The following SLC25A48 variants were observed in gnomAD, a reference collection of about 807,000 sequenced individuals.
SLC25A48 encodes the protein CTC-321K16.1.
A neutral mutation model predicts 32.2 loss-of-function variants in SLC25A48; 29 were observed. The ratio of observed to expected loss-of-function variants is 0.90; its 90% CI spans 0.67 to 1.23. The LOEUF is 1.23. Among genes scored for constraint, SLC25A48 ranks in the 50% most tolerant of loss-of-function variants. The probability of loss-of-function intolerance (pLI) is 0.00; values close to 1 mark genes in which losing one functional copy is unlikely to be tolerated. For missense variants in SLC25A48, 399 were observed against 422.7 expected (o/e 0.94, Z 0.49); for synonymous variants, 164 against 172.3 (o/e 0.95, Z 0.38).
intron 1 of SLC25A48, among the ~76,000 whole-genome samples, chr5:135,589,645 C>A (rs1183668926): frequency 6.6e-6 from 1 of 151,826 alleles, no homozygotes; most frequent in East Asian, 1.9e-4. Flanking sequence ...TGTAGTATTG[C>A]AAAAAGGGAA....
chr5:135,581,405 A>G (rs1042485140), intron 1 of SLC25A48, among the ~76,000 whole-genome samples: 7 of 152,228 alleles, frequency 4.6e-5, no homozygotes, highest in Non-Finnish European at 8.8e-5. Flanking sequence ...GCACATGCCC[A>G]TTTTAAGACT....
chr5:135,704,865 C>T (rs893643651), intron 3 of SLC25A48, among the ~76,000 whole-genome samples: 1 of 152,130 alleles, frequency 6.6e-6, no homozygotes, highest in South Asian at 2.1e-4. Context: ...TAGGTAGCTT[C>T]CTGGCATTAG....
chr5:135,740,675 C>T (rs943346885), intron 3 of SLC25A48, among the ~76,000 whole-genome samples: 2 of 152,140 alleles, frequency 1.3e-5, no homozygotes, highest in South Asian at 2.1e-4. Flanking sequence ...TGTCTCACAA[C>T]CCAGCCTCAA....
rs755077813 is a variant in SLC25A48, at chr5:135,724,073, G to T, written c.-520-88450G>T. Among the ~76,000 whole-genome samples the T allele has an allele frequency of 2.6e-5, 4 of 152,152 alleles. No individual in the cohort carries two copies. The South Asian group carries it at 6.2e-4, about 24-fold the overall frequency. ...ACACATGGTTTTGTCTTTTTCAGCAGCACAACCAGAGACTGTCCTTTTCAA... is the reference window on the plus strand; with the variant it reads ...ACACATGGTTTTGTCTTTTTCAGCATCACAACCAGAGACTGTCCTTTTCAA... On this transcript the variant is annotated intron_variant, in intron 3 of 10. Transcript: ENST00000646290.
At chr5:135,630,611 TTTTTTTTTTTGA>T (rs941564749) in intron 2 of SLC25A48, among the ~76,000 whole-genome samples, 4 of 120,480 alleles carry the variant, frequency 3.3e-5, no homozygotes, top group African/African-American at 1.0e-4. Context: ...TTTTTTTTTT[TTTTTTTTTTTGA>T]GAGAGTCATG....
chr5:135,847,093 T>C (rs1374504233), intron 2 of SLC25A48, among the ~76,000 whole-genome samples: 2 of 152,216 alleles, frequency 1.3e-5, no homozygotes, highest in Non-Finnish European at 2.9e-5. Flanking sequence ...CCATCAATTC[T>C]GTAGGCCCAA....
At chr5:135,690,060 T>G (rs1427773267) in intron 3 of SLC25A48, among the ~76,000 whole-genome samples, 1 of 152,176 alleles carries the variant, frequency 6.6e-6, no homozygotes, top group African/African-American at 2.4e-5. Flanking sequence ...TGCCTCGGTT[T>G]GCTTGGGGCT....
At chr5:135,789,871 A>G (rs562434000) in intron 3 of SLC25A48, among the ~76,000 whole-genome samples, 113 of 152,162 alleles carry the variant, frequency 7.4e-4, no homozygotes, top group African/African-American at 2.6e-3. Flanking sequence ...ATAATTTCAC[A>G]GGGTGTACAC....
chr5:135,632,188 T>C (rs920539813), intron 2 of SLC25A48, among the ~76,000 whole-genome samples: 2 of 152,186 alleles, frequency 1.3e-5, no homozygotes, highest in Non-Finnish European at 2.9e-5. Context: ...CTGTCTTCTG[T>C]ACTACAGTGC....
chr5:135,605,360 G>T (rs1328237458), intron 1 of SLC25A48, among the ~76,000 whole-genome samples: 1 of 152,186 alleles, frequency 6.6e-6, no homozygotes, highest in Non-Finnish European at 1.5e-5. Context: ...AACATCCAAA[G>T]GATTTGCATC....
chr5:135,762,831 TGA>T (rs59617591), intron 3 of SLC25A48, among the ~76,000 whole-genome samples: 46,184 of 151,772 alleles, frequency 0.3, 7,155 homozygotes, highest in East Asian at 0.45. Flanking sequence ...TGTGGATGTG[TGA>T]GTTTGTAAAA....
chr5:135,715,825 G>A (rs369322875), intron 3 of SLC25A48, among the ~76,000 whole-genome samples: 1 of 152,176 alleles, frequency 6.6e-6, no homozygotes. Flanking sequence ...GCCATTTCCT[G>A]TATTATAAAA....
chr5:135,602,035 C>T (rs1447057196), intron 1 of SLC25A48, among the ~76,000 whole-genome samples: 1 of 152,342 alleles, frequency 6.6e-6, no homozygotes, highest in South Asian at 2.1e-4. Flanking sequence ...GTGCACCTGT[C>T]TCTGGCACAT....
Position 135,742,499 on chromosome 5 carries a change from C to CT in SLC25A48, c.-520-70023dup, listed in dbSNP as rs367879000. 31 of 1,579,490 alleles carry CT rather than the reference C, an allele frequency of 2.0e-5. No homozygotes were observed. In the African/African-American group the frequency reaches 4.1e-4, roughly 21 times the overall value. On this transcript the variant is annotated intron_variant, in intron 3 of 10. Coordinates refer to the SLC25A48 transcript ENST00000646290. ...TGCTAGGCCATGGGCAAGGTGGGCA[C>CT]TGAATGTGCTTTTCCCAACACTGCC...
intron 3 of SLC25A48, among the ~76,000 whole-genome samples, chr5:135,790,359 TG>T (rs1756994230): frequency 6.6e-6 from 1 of 151,938 alleles, no homozygotes; most frequent in African/African-American, 2.4e-5. Flanking sequence ...GGGAAATATG[TG>T]GGTGTACATT....
At chr5:135,862,005 C>A (rs1760835108) in intron 4 of SLC25A48, among the ~76,000 whole-genome samples, 1 of 152,232 alleles carries the variant, frequency 6.6e-6, no homozygotes, top group Non-Finnish European at 1.5e-5. Context: ...GTTGTATGTG[C>A]CTGTGACAGT....
chr5:135,637,731 C>T (rs1211434655), intron 3 of SLC25A48, among the ~76,000 whole-genome samples: 1 of 152,170 alleles, frequency 6.6e-6, no homozygotes, highest in Non-Finnish European at 1.5e-5. Flanking sequence ...GGCTCAACCC[C>T]TGTTCTTTGT....
intron 6 of SLC25A48, chr5:135,875,143 T>A (rs1761949623): frequency 6.5e-6 from 1 of 154,818 alleles, no homozygotes. Flanking sequence ...ACCCTGGAGC[T>A]CTGAGTCTTT....
chr5:135,638,409 G>GA (rs1336357733), intron 3 of SLC25A48, among the ~76,000 whole-genome samples: 1 of 151,882 alleles, frequency 6.6e-6, no homozygotes, highest in East Asian at 1.9e-4. Flanking sequence ...TGGTAGGTGG[G>GA]GGAGGGGAGG....
Sources: gnomAD v4.1 joint callset for allele counts (sites outside exome capture counted in the v4.1 genomes callset) on GRCh38, gnomAD v4.1.1 for gene constraint, MANE v1.5 for transcripts, NCBI Gene and HGNC (gene_info 2026-07-23, HGNC 2026-07-21) for gene names.